ADGRD1: variants seen among roughly 807,000 people sequenced by gnomAD.
ADGRD1 encodes G-protein coupled receptor 133.
A neutral mutation model predicts 113.4 loss-of-function variants in ADGRD1; 77 were observed. The observed-to-expected ratio is 0.68, with a 90% CI of 0.57 to 0.82. The LOEUF is 0.82. Ranked by LOEUF, ADGRD1 falls within the 40% of genes least tolerant of loss-of-function variation. The pLI is 0.00. For synonymous variants in ADGRD1, 474 were observed against 475.0 expected (o/e 1.00, Z 0.03); for missense variants, 1,036 against 1,139.1 (o/e 0.91, Z 1.30).
At chr12:131,124,072 G>C (rs1158844555) in intron 20 of ADGRD1, among the ~76,000 whole-genome samples, 6 of 152,236 alleles carry the variant, frequency 3.9e-5, no homozygotes, top group African/African-American at 1.2e-4. Context: ...CTCTGGGCCA[G>C]GGGGTGCCGT....
At chr12:131,088,852 C>T (rs887627947) in intron 15 of ADGRD1, among the ~76,000 whole-genome samples, 3 of 152,146 alleles carry the variant, frequency 2.0e-5, no homozygotes, top group Non-Finnish European at 4.4e-5. Context: ...TTAGAGGTGT[C>T]GTCAGTTATT....
At chr12:131,008,817 C>T (rs757244421) in intron 12 of ADGRD1, among the ~76,000 whole-genome samples, 1 of 152,224 alleles carries the variant, frequency 6.6e-6, no homozygotes, top group South Asian at 2.1e-4. Context: ...ATGGAAGCCA[C>T]AGCCCACAGA....
chr12:131,018,888 C>T (rs920512787), intron 13 of ADGRD1, among the ~76,000 whole-genome samples: 3 of 152,110 alleles, frequency 2.0e-5, no homozygotes, highest in African/African-American at 7.2e-5. Flanking sequence ...TTTTGGCTCC[C>T]GGGTTGTTCT....
At chr12:131,006,077 C>T (rs749739740) in intron 12 of ADGRD1, 30 bp downstream of exon 12, 132 of 1,571,590 alleles carry the variant, frequency 8.4e-5, no homozygotes, top group Middle Eastern at 1.7e-4. Context: ...AGCTCAGGGG[C>T]GTGGGTGTGC....
chr12:131,121,377 T>G (rs971753385), intron 20 of ADGRD1, among the ~76,000 whole-genome samples: 6 of 152,250 alleles, frequency 3.9e-5, no homozygotes, highest in African/African-American at 1.2e-4. Context: ...CAGAGTTTTT[T>G]GTTGTTGTTT....
chr12:130,968,900 G>A, intron 3 of ADGRD1: 2 of 815,412 alleles, frequency 2.5e-6, no homozygotes, highest in Non-Finnish European at 4.0e-6. Context: ...CCTGCTGCAG[G>A]TTGAGAGATA....
intron 14 of ADGRD1, among the ~76,000 whole-genome samples, chr12:131,078,030 C>G (rs552227269): frequency 1.3e-5 from 2 of 152,334 alleles, no homozygotes; most frequent in South Asian, 4.1e-4. Flanking sequence ...GTTGTCAGGG[C>G]TCCCCAACAC....
At chr12:131,063,784 A>C (rs4759832) in intron 13 of ADGRD1, among the ~76,000 whole-genome samples, 45,044 of 152,126 alleles carry the variant, frequency 0.3, 7,311 homozygotes, top group South Asian at 0.49. Flanking sequence ...CTTTGCCTTT[A>C]AAGATGAACT....
At position 131,022,599 on chromosome 12, in the gene ADGRD1, C is replaced by T. The variant is rs1163802271; in HGVS notation, c.1473+8259C>T. On this transcript the variant is annotated intron_variant, in intron 13 of 24. Coordinates refer to ENST00000261654, the MANE Select transcript of ADGRD1 (RefSeq NM_198827.5). This position sits in a 1 kb window ranked among gnomAD's most constrained non-coding sequence, Gnocchi z 4.6. ...ACGGATTCTGTTGCTCCCGTTGTCG[C>T]GGCCGTGACCGTCGGGAGCTCTGTC... 8.5e-5 allele frequency among the ~76,000 whole-genome samples: 13 copies of T among 152,178 alleles called. No individual in the cohort carries two copies. The highest frequency in any genetic ancestry group is 1.7e-4 in the African/African-American group (7 of 41,420).
intron 3 of ADGRD1, chr12:130,970,393 A>G (rs1460490552): frequency 1.3e-5 from 2 of 152,086 alleles, no homozygotes; most frequent in African/African-American, 2.4e-5. Context: ...ACCTTGCAAT[A>G]TATAGGTGTC....
intron 4 of ADGRD1, chr12:130,978,323 C>G (rs979149563): frequency 6.6e-6 from 1 of 152,084 alleles, no homozygotes; most frequent in Non-Finnish European, 1.5e-5. Context: ...TTTCTTATGA[C>G]TCCTAGATTT....
At chr12:131,011,639 A>AG (rs1877908781) in intron 12 of ADGRD1, among the ~76,000 whole-genome samples, 2 of 152,162 alleles carry the variant, frequency 1.3e-5, no homozygotes, top group African/African-American at 4.8e-5. Context: ...ATGTCCACGG[A>AG]GGGAAAGTCA....
intron 13 of ADGRD1, chr12:131,070,928 G>C (rs373980633): frequency 3.9e-6 from 2 of 518,882 alleles, no homozygotes; most frequent in Admixed American, 1.9e-5. Context: ...AAGAGTCCTG[G>C]GGTCAGAGTG....
At position 131,003,898 on chromosome 12, in the gene ADGRD1, C is replaced by T. The variant is rs1182874806; in HGVS notation, c.1145-288C>T. Among the ~76,000 whole-genome samples the T allele has an allele frequency of 6.6e-6, 1 of 152,202 alleles. No individual in the cohort carries two copies. The highest frequency in any genetic ancestry group is 1.9e-4 in the East Asian group (1 of 5,180). On this transcript the variant is annotated intron_variant, in intron 10 of 24. Coordinates refer to ENST00000261654, the MANE Select transcript of ADGRD1 (RefSeq NM_198827.5). The surrounding 1 kb of genome is among the most constrained non-coding windows in gnomAD (Gnocchi z 4.8). ...TCGCTGAGCACAGCCCATCCTTGCA[C>T]CGGCCTTGAGAGCTGGGGGCTGTGC...
intron 15 of ADGRD1, among the ~76,000 whole-genome samples, chr12:131,091,653 T>A (rs1314777783): frequency 6.6e-6 from 1 of 152,216 alleles, no homozygotes; most frequent in Non-Finnish European, 1.5e-5. Flanking sequence ...TATCTTGGTA[T>A]GTGATTATCA....
chr12:131,112,143 C>T (rs1002569693), intron 18 of ADGRD1, among the ~76,000 whole-genome samples: 5 of 151,476 alleles, frequency 3.3e-5, no homozygotes, highest in Middle Eastern at 3.2e-3. Context: ...CTATTTAGCA[C>T]AGTCTGTTTC....
intron 15 of ADGRD1, among the ~76,000 whole-genome samples, chr12:131,103,726 A>G (rs943680664): frequency 2.6e-5 from 4 of 152,150 alleles, no homozygotes; most frequent in Non-Finnish European, 4.4e-5. Flanking sequence ...CGCATGCCAC[A>G]GGAGGAAGCT....
intron 13 of ADGRD1, among the ~76,000 whole-genome samples, chr12:131,048,847 C>T (rs867629949): frequency 2.0e-5 from 3 of 152,120 alleles, no homozygotes; most frequent in Admixed American, 6.5e-5. Context: ...CTCCCCTCTC[C>T]GAGACTGTGC....
intron 9 of ADGRD1, among the ~76,000 whole-genome samples, chr12:131,001,410 C>T (rs531273685): frequency 6.6e-6 from 1 of 152,306 alleles, no homozygotes; most frequent in East Asian, 1.9e-4. Context: ...TATTAACATT[C>T]TTGTATATTT....
Sources: allele counts gnomAD v4.1 joint callset (sites outside exome capture counted in the v4.1 genomes callset), GRCh38; gene constraint gnomAD v4.1.1; non-coding constraint Gnocchi (gnomAD v3.1); transcripts MANE v1.5; gene names NCBI Gene and HGNC (gene_info 2026-07-23, HGNC 2026-07-21).